IL1RN: variants seen among roughly 807,000 people sequenced by gnomAD.
IL1RN encodes the protein interleukin-1 receptor antagonist protein.
IL1RN carries 10 observed loss-of-function variants against 13.7 expected under a neutral mutation model. That is an observed-to-expected ratio of 0.73 (90% CI 0.45 to 1.24). The LOEUF (loss-of-function observed/expected upper bound fraction) is 1.24, where lower values mean the gene tolerates loss of function less well. Among genes scored for constraint, IL1RN ranks in the 50% most tolerant of loss-of-function variants. The probability of loss-of-function intolerance (pLI) is 0.00; values close to 1 mark genes in which losing one functional copy is unlikely to be tolerated. For missense variants in IL1RN, 213 were observed against 222.1 expected (o/e 0.96, Z 0.26); for synonymous variants, 102 against 82.7 (o/e 1.23, Z -1.27).
chr2:113,103,760 G>A (rs1477330354), upstream of IL1RN, among the ~76,000 whole-genome samples: 1 of 152,114 alleles, frequency 6.6e-6, no homozygotes, highest in African/African-American at 2.4e-5. Flanking sequence ...AAGATGGTTG[G>A]GGAGAGCAGA....
At chr2:113,118,701 A>T (rs1186020357) in intron 1 of IL1RN, among the ~76,000 whole-genome samples, 1 of 152,228 alleles carries the variant, frequency 6.6e-6, no homozygotes, top group Non-Finnish European at 1.5e-5. Context: ...AACTCTCAGG[A>T]TCATTGGTAT....
At chr2:113,118,605 G>A (rs1208789109) in intron 1 of IL1RN, among the ~76,000 whole-genome samples, 1 of 152,150 alleles carries the variant, frequency 6.6e-6, no homozygotes, top group Non-Finnish European at 1.5e-5. Flanking sequence ...GATTAAACCA[G>A]ACAATAAAGC....
rs779342025 is a variant in IL1RN, at chr2:113,129,633, A to T, written c.174A>T (p.Gly58=). ...FYLRNNQLVA[G]YLQGPNVNLE... is the part of the protein sequence containing the mutation. ...TGAGGAACAACCAACTAGTTGCTGG[A>T]TACTTGCAAGGACCAAATGTCAATT... The change falls in exon 2 of 4, where the codon GGA becomes GGT. Residue 58 remains glycine (G), a synonymous_variant. Transcript: ENST00000409930. The T allele has an allele frequency of 6.2e-7, 1 of 1,612,696 alleles. No individual in the cohort carries two copies. The highest frequency in any genetic ancestry group is 8.5e-7 in the Non-Finnish European group (1 of 1,178,616).
chr2:113,131,290 G>T, intron 3 of IL1RN, 133 bp downstream of exon 3: 2 of 705,698 alleles, frequency 2.8e-6, no homozygotes, highest in Non-Finnish European at 5.2e-6. Context: ...AACATGCTGG[G>T]GTCACTTTGG....
At chr2:113,110,463 C>T (rs1353749518), upstream of IL1RN, among the ~76,000 whole-genome samples, 3 of 152,162 alleles carry the variant, frequency 2.0e-5, no homozygotes, top group East Asian at 5.8e-4. Context: ...CTGCAAGAGA[C>T]AAAGACATTC....
At chr2:113,102,353 C>G (rs190449813), upstream of IL1RN, among the ~76,000 whole-genome samples, 1 of 152,310 alleles carries the variant, frequency 6.6e-6, no homozygotes, top group Admixed American at 6.5e-5. Flanking sequence ...CCTTATTTAA[C>G]CTCAATTACT....
At chr2:113,109,061 C>G (rs1573273550), upstream of IL1RN, among the ~76,000 whole-genome samples, 1 of 151,788 alleles carries the variant, frequency 6.6e-6, no homozygotes, top group East Asian at 1.9e-4. Context: ...ACAATAGCAA[C>G]CACCAACACC....
rs1239818619 is a variant in IL1RN, at chr2:113,120,272, A to C, written c.73+144A>C. On this transcript the variant is annotated intron_variant, in intron 2 of 5. Coordinates refer to the IL1RN transcript ENST00000259206. ...AATGAAAACGATTGATTACTAATAT[A>C]TCTGCAATGGTTTATTTTCCTGAGT... The C allele has an allele frequency of 3.8e-5, 28 of 745,154 alleles. No individual in the cohort carries two copies. In the Admixed American group the frequency reaches 5.3e-4, roughly 14 times the overall value. The allele number at this position is 745,154 out of a possible 1,614,324, so 46.2% of individuals were successfully genotyped here. A position where few individuals can be genotyped will look rare whatever the true frequency, so the allele number is the denominator to read the frequency against.
chr2:113,126,483 A>T (rs1256705490), upstream of IL1RN, among the ~76,000 whole-genome samples: 2 of 152,216 alleles, frequency 1.3e-5, no homozygotes, highest in Non-Finnish European at 2.9e-5. Flanking sequence ...ATGCTTCTGC[A>T]CCAGCACTGT....
intron 2 of IL1RN, 145 bp downstream of exon 2, chr2:113,129,809 G>A: frequency 1.4e-6 from 1 of 692,556 alleles, no homozygotes; most frequent in Non-Finnish European, 2.7e-6. Context: ...GAAGCTGGGA[G>A]GGCCTGGCTA....
chr2:113,128,604 T>A (rs567216033), intron 1 of IL1RN, among the ~76,000 whole-genome samples: 1 of 152,132 alleles, frequency 6.6e-6, no homozygotes, highest in East Asian at 1.9e-4. Context: ...CAGCAGGTGA[T>A]GTTTATCCCT....
upstream of IL1RN, among the ~76,000 whole-genome samples, chr2:113,110,292 T>C (rs148469458): frequency 2.0e-5 from 3 of 152,322 alleles, no homozygotes; most frequent in Middle Eastern, 3.4e-3. Context: ...CTGGGGTTTA[T>C]GGGAATATTT....
upstream of IL1RN, among the ~76,000 whole-genome samples, chr2:113,116,896 C>T (rs1219118960): frequency 1.3e-5 from 2 of 152,188 alleles, no homozygotes; most frequent in Non-Finnish European, 2.9e-5. Context: ...AGCATCAGGT[C>T]CATTTTGCAG....
upstream of IL1RN, chr2:113,127,510 C>A: frequency 6.8e-7 from 1 of 1,475,324 alleles, no homozygotes; most frequent in Non-Finnish European, 9.0e-7. Flanking sequence ...AGGGTATTTC[C>A]GCTTCTCGCA....
chr2:113,105,271 C>T (rs923341800), upstream of IL1RN, among the ~76,000 whole-genome samples: 2 of 152,178 alleles, frequency 1.3e-5, no homozygotes, highest in Non-Finnish European at 2.9e-5. Context: ...GCTAGCCTAG[C>T]TAATGACTGA....
chr2:113,103,520 G>A (rs1283969518), upstream of IL1RN, among the ~76,000 whole-genome samples: 2 of 152,164 alleles, frequency 1.3e-5, no homozygotes, highest in African/African-American at 4.8e-5. Flanking sequence ...GCCTCTAGCA[G>A]CTAGCAATGA....
At chr2:113,130,642 A>T (rs1412698079) in intron 2 of IL1RN, among the ~76,000 whole-genome samples, 1 of 14,358 alleles carries the variant, frequency 7.0e-5, no homozygotes, top group African/African-American at 3.5e-4. Flanking sequence ...GGAAATATGG[A>T]CATCACATGG....
chr2:113,131,398 G>A (rs751900561), intron 3 of IL1RN, among the ~76,000 whole-genome samples: 8 of 152,160 alleles, frequency 5.3e-5, no homozygotes, highest in Non-Finnish European at 1.0e-4. Flanking sequence ...GTGTTTAAGA[G>A]TTAGTTGGAG....
At chr2:113,110,783 T>C (rs1686482295), upstream of IL1RN, among the ~76,000 whole-genome samples, 1 of 152,236 alleles carries the variant, frequency 6.6e-6, no homozygotes, top group Admixed American at 6.5e-5. Flanking sequence ...CAGGTGGGTG[T>C]TTAACAAATG....
Sources: gnomAD v4.1 joint callset for allele counts (sites outside exome capture counted in the v4.1 genomes callset) on GRCh38, gnomAD v4.1.1 for gene constraint, MANE v1.5 for transcripts, NCBI Gene and HGNC (gene_info 2026-07-23, HGNC 2026-07-21) for gene names.